Variants in FERMT2 observed in about 807,000 individuals in gnomAD.
FERMT2 encodes the protein FERM domain containing kindlin 2.
FERMT2 carries 15 observed loss-of-function variants against 82.7 expected under a neutral mutation model. The ratio of observed to expected loss-of-function variants is 0.18; its 90% CI spans 0.12 to 0.28. The LOEUF is 0.28. Ranked by LOEUF, FERMT2 falls within the 10% of genes least tolerant of loss-of-function variation. The pLI, the probability that FERMT2 is intolerant of heterozygous loss-of-function variation, is 1.00. For missense variants in FERMT2, 645 were observed against 809.4 expected (o/e 0.80, Z 2.46); for synonymous variants, 274 against 271.5 (o/e 1.01, Z -0.09).
At chr14:52,907,551 G>C (rs1266174158) in intron 3 of FERMT2, among the ~76,000 whole-genome samples, 3 of 151,978 alleles carry the variant, frequency 2.0e-5, no homozygotes, top group Admixed American at 6.6e-5. Context: ...GCATATATAG[G>C]AGTAAAATAC....
In FERMT2 at chr14:52,857,706, CAA is replaced by C. The variant is rs79948014; in HGVS notation, c.*669_*670del. On this transcript the variant is annotated 3_prime_UTR_variant, in exon 15 of 15. Coordinates refer to ENST00000341590, the MANE Select transcript of FERMT2 (RefSeq NM_006832.3). Reference sequence around the variant, plus strand: ...TAGAACTTTACTTCATATTGTAATGCAAAGAGTTGCATATTTTAGGCAGACAG... The same window carrying C: ...TAGAACTTTACTTCATATTGTAATGCAGAGTTGCATATTTTAGGCAGACAG... 0.012 allele frequency: 1,859 copies of C among 152,626 alleles called. 12 individuals carry two copies. The highest frequency in any genetic ancestry group is 0.018 in the Non-Finnish European group (1,209 of 68,012). The allele number at this position is 152,626 out of a possible 1,614,324, so 9.5% of individuals were successfully genotyped here. A position where few individuals can be genotyped will look rare whatever the true frequency, so the allele number is the denominator to read the frequency against.
At chr14:52,887,979 G>A (rs565530113) in intron 4 of FERMT2, among the ~76,000 whole-genome samples, 1 of 152,220 alleles carries the variant, frequency 6.6e-6, no homozygotes, top group South Asian at 2.1e-4. Context: ...TTAAGTGAAA[G>A]ATTATGTATT....
At chr14:52,890,791 T>C (rs1328189146) in intron 4 of FERMT2, among the ~76,000 whole-genome samples, 1 of 151,898 alleles carries the variant, frequency 6.6e-6, no homozygotes, top group African/African-American at 2.4e-5. Flanking sequence ...TTAGTAGAAA[T>C]GGGGTTTCAC....
chr14:52,908,018 T>C (rs867917428), intron 3 of FERMT2, among the ~76,000 whole-genome samples: 2 of 152,190 alleles, frequency 1.3e-5, no homozygotes, highest in African/African-American at 4.8e-5. Flanking sequence ...GACAGCCTAA[T>C]TTAAAGACGG....
At chr14:52,937,733 C>G (rs1213911424) in intron 2 of FERMT2, among the ~76,000 whole-genome samples, 3 of 152,204 alleles carry the variant, frequency 2.0e-5, no homozygotes, top group Admixed American at 6.5e-5. Context: ...TGTTATACCT[C>G]TATAACCTAC....
chr14:52,929,804 T>C (rs1317046398), intron 2 of FERMT2, among the ~76,000 whole-genome samples: 3 of 152,206 alleles, frequency 2.0e-5, no homozygotes, highest in African/African-American at 7.2e-5. Context: ...TTTATATTCA[T>C]TTTGTTTGTT....
chr14:52,944,657 T>C (rs941358462), intron 2 of FERMT2, among the ~76,000 whole-genome samples: 2 of 152,242 alleles, frequency 1.3e-5, no homozygotes, highest in Non-Finnish European at 2.9e-5. Flanking sequence ...TTTCCACTTC[T>C]GTGAGATGCA....
intron 10 of FERMT2, among the ~76,000 whole-genome samples, chr14:52,869,888 G>T (rs985242891): frequency 9.9e-5 from 15 of 152,062 alleles, no homozygotes; most frequent in Admixed American, 2.0e-4. Flanking sequence ...TGATATTGAT[G>T]ATCCCAATCT....
In FERMT2 at chr14:52,858,655, T is replaced by C. The variant is rs1019800006; in HGVS notation, c.1870-105A>G. The stretch of plus-strand genomic sequence containing the variant: ...AGTCTGTCATATCACAAAACACTTG[T>C]TGATCCTCAAATGATCAGTCTGTCT... On this transcript the variant is annotated intron_variant, in intron 14 of 14. Transcript: ENST00000341590. The C allele has an allele frequency of 8.1e-6, 8 of 985,098 alleles. No homozygotes were observed. The African/African-American group carries it at 1.1e-4, about 14-fold the overall frequency. 61.0% of individuals were successfully genotyped at this position (985,098 alleles called of 1,614,324 possible). A position where few individuals can be genotyped will look rare whatever the true frequency, so the allele number is the denominator to read the frequency against.
Position 52,950,305 on chromosome 14 carries a change from G to A in FERMT2, c.157+107C>T. Reference sequence around the variant, plus strand: ...TTTTACATCTCCAAAAAGCATTTGCGAGATGCCAAGATTTCTCAAATGGGC... The same window carrying A: ...TTTTACATCTCCAAAAAGCATTTGCAAGATGCCAAGATTTCTCAAATGGGC... On this transcript the variant is annotated intron_variant, in intron 2 of 14. Transcript: ENST00000341590. The A allele has an allele frequency of 2.7e-6, 3 of 1,122,342 alleles. No homozygotes were observed. The Admixed American group carries it at 6.3e-5, about 23-fold the overall frequency. The allele number at this position is 1,122,342 out of a possible 1,614,324, so 69.5% of individuals were successfully genotyped here.
At position 52,863,316 on chromosome 14, in the gene FERMT2, A is replaced by G. The variant is rs890813611; in HGVS notation, c.1602+1085T>C. 8.5e-5 allele frequency: 13 copies of G among 152,098 alleles called. 1 individual carries two copies. Among genetic ancestry groups the G allele is most frequent in the Non-Finnish European group, 1.8e-4 (12 of 68,044 alleles). 9.4% of individuals were successfully genotyped at this position (152,098 alleles called of 1,614,324 possible). A position where few individuals can be genotyped will look rare whatever the true frequency, so the allele number is the denominator to read the frequency against. On this transcript the variant is annotated intron_variant, in intron 12 of 14. Coordinates refer to ENST00000341590, the MANE Select transcript of FERMT2 (RefSeq NM_006832.3). ...ATAAATATTATACTTAAAGTTAAGG[A>G]ATTAGTAAGTGTTCTGGGCATTTCA... is the stretch of plus-strand genomic sequence containing the variant.
intron 12 of FERMT2, among the ~76,000 whole-genome samples, chr14:52,863,901 T>A (rs1164423856): frequency 2.0e-5 from 3 of 152,162 alleles, no homozygotes; most frequent in South Asian, 4.1e-4. Flanking sequence ...TTCCCTAAAA[T>A]GTCTGAAAGA....
rs558141737 is a variant in FERMT2 at position 52,875,693 on chromosome 14, A to G, written c.964-336T>C. On this transcript the variant is annotated intron_variant, in intron 7 of 14. Coordinates refer to ENST00000341590, the MANE Select transcript of FERMT2 (RefSeq NM_006832.3). ...TTTCATTGTAATCTGCCCTGTGTCT[A>G]TAACAGGGCCTGTTATCAAGAAATA... 7.6e-4 allele frequency among the ~76,000 whole-genome samples: 116 copies of G among 151,990 alleles called. 1 individual carries two copies. The highest frequency in any genetic ancestry group is 3.4e-3 in the Middle Eastern group (1 of 294).
At chr14:52,878,732 C>T (rs775477875) in intron 6 of FERMT2, 43 bp from the exon 7 acceptor site, 62 of 1,035,580 alleles carry the variant, frequency 6.0e-5, no homozygotes, top group Middle Eastern at 4.3e-4. Flanking sequence ...ATAACCTTTA[C>T]CATTGAAAAA....
chr14:52,927,592 T>TAAAA (rs71125150), intron 2 of FERMT2, among the ~76,000 whole-genome samples: 665 of 33,688 alleles, frequency 0.02, 99 homozygotes, highest in Non-Finnish European at 0.024. Flanking sequence ...CTCATCCCTA[T>TAAAA]AAAAAAAAAA....
intron 2 of FERMT2, among the ~76,000 whole-genome samples, chr14:52,921,740 A>T (rs907449216): frequency 6.6e-6 from 1 of 152,178 alleles, no homozygotes; most frequent in African/African-American, 2.4e-5. Context: ...ATGCTCAGAA[A>T]ACAGGGGAAA....
intron 4 of FERMT2, among the ~76,000 whole-genome samples, chr14:52,883,746 G>A (rs969473436): frequency 6.6e-6 from 1 of 152,150 alleles, no homozygotes; most frequent in Non-Finnish European, 1.5e-5. Flanking sequence ...TGAATCACAG[G>A]GGTGGAGTTC....
intron 3 of FERMT2, among the ~76,000 whole-genome samples, chr14:52,899,296 T>A (rs12586206): frequency 4.0e-5 from 5 of 124,182 alleles, no homozygotes; most frequent in Non-Finnish European, 7.2e-5. Context: ...TTATTTATTT[T>A]TTTTGAGACG....
chr14:52,890,464 GA>G (rs1187343872), intron 4 of FERMT2, among the ~76,000 whole-genome samples: 106 of 148,264 alleles, frequency 7.1e-4, no homozygotes, highest in Non-Finnish European at 1.3e-3. Context: ...AAAAAGAAAA[GA>G]AAAAAAAGAA....
Sources: gnomAD v4.1 joint callset for allele counts (sites outside exome capture counted in the v4.1 genomes callset) on GRCh38, gnomAD v4.1.1 for gene constraint, MANE v1.5 for transcripts, NCBI Gene and HGNC (gene_info 2026-07-23, HGNC 2026-07-21) for gene names.